The following CSMD3 variants were observed in gnomAD, a reference collection of about 807,000 sequenced individuals.
CSMD3 encodes the protein CUB and sushi domain-containing protein 3.
A neutral mutation model predicts 435.2 loss-of-function variants in CSMD3; 177 were observed. The observed-to-expected ratio is 0.41, with a 90% CI of 0.36 to 0.46. The LOEUF is 0.46. Among genes scored for constraint, CSMD3 ranks in the 20% least tolerant of loss-of-function variants. CSMD3 has a pLI of 0.34. For synonymous variants in CSMD3, 1,656 were observed against 1,520.5 expected, an observed-to-expected ratio of 1.09 and a Z score of -2.07; for missense variants, 4,265 against 4,504.6, an observed-to-expected ratio of 0.95 and a Z score of 1.52.
At chr8:112,298,397 C>A (rs1168469370) in intron 53 of CSMD3, among the ~76,000 whole-genome samples, 1 of 151,944 alleles carries the variant, frequency 6.6e-6, no homozygotes, top group Non-Finnish European at 1.5e-5. Context: ...CTATGTAACA[C>A]ATAGGAATTA....
intron 31 of CSMD3, among the ~76,000 whole-genome samples, chr8:112,483,052 T>C (rs1819785115): frequency 6.6e-6 from 1 of 152,176 alleles, no homozygotes; most frequent in South Asian, 2.1e-4. Context: ...AAATATATGC[T>C]GTATTAGGAA....
chr8:113,255,608 T>A, intron 3 of CSMD3, among the ~76,000 whole-genome samples: 1 of 152,050 alleles, frequency 6.6e-6, no homozygotes, highest in East Asian at 1.9e-4. Flanking sequence ...TAGCCTTGAA[T>A]TGTTACTTTA....
At chr8:112,647,981 C>T (rs971390141) in intron 19 of CSMD3, among the ~76,000 whole-genome samples, 1 of 152,078 alleles carries the variant, frequency 6.6e-6, no homozygotes, top group Non-Finnish European at 1.5e-5. Context: ...CTATTATTAC[C>T]ACCATACTAC....
At chr8:112,503,735 G>C (rs2130913723) in intron 30 of CSMD3, 55 bp downstream of exon 30, 2 of 1,301,884 alleles carry the variant, frequency 1.5e-6, no homozygotes, top group Non-Finnish European at 2.2e-6. Context: ...TTATTCTCCT[G>C]TATAAAATAT....
chr8:113,383,328 A>G (rs376632148), intron 1 of CSMD3, among the ~76,000 whole-genome samples: 1 of 152,200 alleles, frequency 6.6e-6, no homozygotes, highest in African/African-American at 2.4e-5. Flanking sequence ...GATATATTTC[A>G]TAGTATCAAA....
At chr8:112,610,866 G>A (rs1485338431) in intron 22 of CSMD3, among the ~76,000 whole-genome samples, 2 of 152,002 alleles carry the variant, frequency 1.3e-5, no homozygotes, top group African/African-American at 4.8e-5. Context: ...CCTTCTCTTT[G>A]GCCAATGTAT....
intron 6 of CSMD3, among the ~76,000 whole-genome samples, chr8:112,997,098 T>C (rs928660604): frequency 1.3e-5 from 2 of 151,600 alleles, no homozygotes; most frequent in Non-Finnish European, 3.0e-5. Context: ...TAAGTTGTAA[T>C]GATGAAATGA....
chr8:112,383,493 G>A, intron 37 of CSMD3, 74 bp downstream of exon 37: 1 of 822,636 alleles, frequency 1.2e-6, no homozygotes, highest in South Asian at 1.4e-5. Flanking sequence ...AGTAAGAGTT[G>A]TAGATAGCTC....
intron 5 of CSMD3, among the ~76,000 whole-genome samples, chr8:113,088,471 C>T (rs2131495973): frequency 1.3e-5 from 2 of 148,894 alleles, no homozygotes; most frequent in African/African-American, 5.0e-5. Context: ...AAATGTCCAA[C>T]AATGATAGAC....
At position 112,685,635 on chromosome 8, in the gene CSMD3, T is replaced by A. The variant is rs2075994211; in HGVS notation, c.2253A>T (p.Ile751=). 6.2e-7 allele frequency: 1 copy of A among 1,613,690 alleles called. No individual in the cohort carries two copies. Among genetic ancestry groups the A allele is most frequent in the East Asian group, 2.2e-5 (1 of 44,866 alleles). Residue 751 remains isoleucine, a synonymous_variant, in exon 15 of 71, where the codon ATA becomes ATT. Transcript: ENST00000297405. Reference sequence around the variant, plus strand: ...GTATCCGGCTCCCTGGATCAGAGATTATCGTCCAGATGCAATTTAAATTAT... The same window carrying A: ...GTATCCGGCTCCCTGGATCAGAGATAATCGTCCAGATGCAATTTAAATTAT... ...YGNNLNCIWT[I]ISDPGSRIHL... is the part of the protein sequence containing the mutation.
At chr8:113,025,550 C>T (rs575706147) in intron 5 of CSMD3, among the ~76,000 whole-genome samples, 1 of 152,246 alleles carries the variant, frequency 6.6e-6, no homozygotes, top group East Asian at 1.9e-4. Flanking sequence ...GGTCCAGGAG[C>T]ATACCGATGC....
chr8:112,363,176 G>A (rs905112704), intron 38 of CSMD3, among the ~76,000 whole-genome samples: 1 of 151,852 alleles, frequency 6.6e-6, no homozygotes, highest in African/African-American at 2.4e-5. Flanking sequence ...CCTATAAAAT[G>A]GGATGAGTAA....
chr8:112,783,412 A>AGGGAGGGAGGGAG (rs1563956600), intron 13 of CSMD3, among the ~76,000 whole-genome samples: 1 of 78,902 alleles, frequency 1.3e-5, no homozygotes, highest in African/African-American at 5.7e-5. Flanking sequence ...GAAGGAAGGA[A>AGGGAGGGAGGGAG]GGAGGGAGGG....
intron 45 of CSMD3, among the ~76,000 whole-genome samples, chr8:112,323,639 T>C (rs1259610421): frequency 6.6e-6 from 1 of 152,066 alleles, no homozygotes; most frequent in Non-Finnish European, 1.5e-5. Context: ...AAAGATTGCT[T>C]TTAAGCCACC....
At chr8:112,610,876 T>C (rs900772105) in intron 22 of CSMD3, among the ~76,000 whole-genome samples, 1 of 152,148 alleles carries the variant, frequency 6.6e-6, no homozygotes, top group African/African-American at 2.4e-5. Context: ...GGCCAATGTA[T>C]TAAATATCAC....
chr8:113,413,151 C>T (rs1487835395), intron 1 of CSMD3, among the ~76,000 whole-genome samples: 1 of 152,058 alleles, frequency 6.6e-6, no homozygotes, highest in African/African-American at 2.4e-5. Flanking sequence ...AATAACTTTC[C>T]ATTATATAGC....
At chr8:112,849,762 C>A (rs1339777623) in intron 11 of CSMD3, among the ~76,000 whole-genome samples, 2 of 151,388 alleles carry the variant, frequency 1.3e-5, no homozygotes, top group African/African-American at 4.9e-5. Context: ...TAACAGAAAA[C>A]CATTTTGACT....
chr8:112,432,180 T>C (rs923290668), intron 32 of CSMD3, among the ~76,000 whole-genome samples: 6 of 152,158 alleles, frequency 3.9e-5, no homozygotes, highest in African/African-American at 1.4e-4. Flanking sequence ...CATATGTTAA[T>C]AAATATTTTC....
intron 10 of CSMD3, among the ~76,000 whole-genome samples, chr8:112,900,142 C>G (rs1182230510): frequency 6.6e-6 from 1 of 151,164 alleles, no homozygotes; most frequent in Non-Finnish European, 1.5e-5. Context: ...GCAGTCCTGA[C>G]CCATGGAATC....
Sources: allele counts gnomAD v4.1 joint callset (sites outside exome capture counted in the v4.1 genomes callset), GRCh38; gene constraint gnomAD v4.1.1; transcripts MANE v1.5; gene names NCBI Gene and HGNC (gene_info 2026-07-23, HGNC 2026-07-21).